PLEKHA2: variants seen among roughly 807,000 people sequenced by gnomAD.
PLEKHA2 encodes pleckstrin homology domain containing A2.
PLEKHA2 carries 28 observed loss-of-function variants against 53.2 expected under a neutral mutation model. The ratio of observed to expected loss-of-function variants is 0.53; its 90% CI spans 0.39 to 0.72. PLEKHA2 has a LOEUF of 0.72. Ranked by LOEUF, PLEKHA2 falls within the 30% of genes least tolerant of loss-of-function variation. The pLI is 0.00. For synonymous variants in PLEKHA2, 193 were observed against 196.4 expected (o/e 0.98, Z 0.14); for missense variants, 426 against 537.9 (o/e 0.79, Z 2.06).
At chr8:38,968,838 A>G in intron 11 of PLEKHA2, 169 bp downstream of exon 11, 2 of 570,386 alleles carry the variant, frequency 3.5e-6, no homozygotes, top group Non-Finnish European at 6.1e-6. Context: ...ACACATTTTT[A>G]TTTTTCTCTG....
chr8:38,969,872 G>A lies in PLEKHA2; in HGVS notation c.*89G>A, dbSNP rs977686354. ...AGTTTCTCTACCTTGTTGGAGGGTA[G>A]TCAGAGGCCTTTATGTCACTCATAT... On this transcript the variant is annotated 3_prime_UTR_variant, in exon 12 of 12. Transcript: ENST00000617275. 79 of 1,510,528 alleles carry A rather than the reference G, an allele frequency of 5.2e-5. 1 individual carries two copies. The South Asian group carries it at 8.3e-4, about 16-fold the overall frequency. 93.6% of individuals were successfully genotyped at this position (1,510,528 alleles called of 1,614,324 possible). A position where few individuals can be genotyped will look rare whatever the true frequency, so the allele number is the denominator to read the frequency against.
intron 1 of PLEKHA2, among the ~76,000 whole-genome samples, chr8:38,905,416 C>T (rs1833855814): frequency 6.6e-6 from 1 of 151,664 alleles, no homozygotes; most frequent in African/African-American, 2.4e-5. Flanking sequence ...TGTGATCGCA[C>T]CACTGCACTC....
intron 2 of PLEKHA2, among the ~76,000 whole-genome samples, chr8:38,923,342 T>C (rs1834226085): frequency 6.6e-6 from 1 of 152,194 alleles, no homozygotes; most frequent in African/African-American, 2.4e-5. Context: ...ATGGGCACTC[T>C]AGGTGATCCT....
chr8:38,940,417 G>A (rs1410200418), intron 3 of PLEKHA2, among the ~76,000 whole-genome samples: 1 of 151,872 alleles, frequency 6.6e-6, no homozygotes. Context: ...AAATAAAGCT[G>A]GAAGTAGAAG....
At chr8:38,911,927 G>A (rs1223657960) in intron 1 of PLEKHA2, among the ~76,000 whole-genome samples, 3 of 152,238 alleles carry the variant, frequency 2.0e-5, no homozygotes, top group Non-Finnish European at 4.4e-5. Flanking sequence ...AGTAAGCTAC[G>A]ATTACACCAC....
In PLEKHA2 at chr8:38,969,597, G is replaced by A. The variant is rs758332858; in HGVS notation, c.1092G>A (p.Gly364=). ...WQPWTPVPQA[G]EKLLPPGDTS... Reference sequence around the variant, plus strand: ...CCTGGACACCTGTCCCCCAGGCTGGGGAGAAGCTGCTTCCACCTGGAGACA... The same window carrying A: ...CCTGGACACCTGTCCCCCAGGCTGGAGAGAAGCTGCTTCCACCTGGAGACA... The change falls in exon 12 of 12, where the codon GGG becomes GGA. Residue 364 remains glycine (G), a synonymous_variant. Transcript: ENST00000617275. 7.5e-6 allele frequency: 12 copies of A among 1,608,902 alleles called. No individual in the cohort carries two copies. The highest frequency in any genetic ancestry group is 1.7e-5 in the Admixed American group (1 of 59,112).
intron 3 of PLEKHA2, among the ~76,000 whole-genome samples, 151 bp downstream of exon 3, chr8:38,936,201 G>A (rs1270758443): frequency 6.6e-6 from 1 of 152,212 alleles, no homozygotes; most frequent in Non-Finnish European, 1.5e-5. Context: ...GCCTGTGGAG[G>A]CTTAGCTGCT....
intron 1 of PLEKHA2, among the ~76,000 whole-genome samples, chr8:38,914,458 T>C (rs866327785): frequency 3.3e-5 from 5 of 152,326 alleles, no homozygotes; most frequent in Middle Eastern, 3.4e-3. Flanking sequence ...GTACCGGGGC[T>C]GTTGGGTCTC....
intron 9 of PLEKHA2, 57 bp from the exon 10 acceptor site, chr8:38,957,266 C>T (rs915320158): frequency 2.2e-5 from 31 of 1,402,966 alleles, no homozygotes; most frequent in African/African-American, 1.1e-4. Context: ...TAGGACATAT[C>T]GAGTCCTCTC....
rs367734009 is a variant in PLEKHA2, at chr8:38,953,382, T to C, written c.773+15T>C. The C allele has an allele frequency of 2.5e-6, 4 of 1,592,424 alleles. No individual in the cohort carries two copies. The highest frequency in any genetic ancestry group is 3.4e-6 in the Non-Finnish European group (4 of 1,160,438). Reference sequence around the variant, plus strand: ...GTCAAGTCTGGGTAATTGTGTCTGCTTTTTCTCTTCTAATCCAAACCTCCA... The same window carrying C: ...GTCAAGTCTGGGTAATTGTGTCTGCCTTTTCTCTTCTAATCCAAACCTCCA... On this transcript the variant is annotated intron_variant, in intron 9 of 11. Transcript: ENST00000617275.
intron 10 of PLEKHA2, among the ~76,000 whole-genome samples, chr8:38,959,150 A>G (rs1390519591): frequency 6.6e-6 from 1 of 152,012 alleles, no homozygotes; most frequent in Non-Finnish European, 1.5e-5. Flanking sequence ...AAAAAAAAAA[A>G]TGGTGTGATA....
At chr8:38,943,702 T>C (rs563397421) in intron 3 of PLEKHA2, 87 bp from the exon 4 acceptor site, 9 of 1,024,616 alleles carry the variant, frequency 8.8e-6, no homozygotes, top group East Asian at 2.7e-5. Context: ...TTTAATGTAC[T>C]CTTTATATAT....
At position 38,946,150 on chromosome 8, in the gene PLEKHA2, T is replaced by G. The variant is rs920399118; in HGVS notation, c.274T>G (p.Phe92Val). Residue 92 changes from phenylalanine (F) to valine (V), a missense_variant, in exon 5 of 12, where the codon TTC becomes GTC. Physicochemically the swap from Phe to Val is conservative, Grantham distance 50. Transcript: ENST00000617275. ...FVINALSQRY[F>V]LQANDQKDMK... is the part of the protein sequence containing the mutation. ...TATCAATGCCCTGTCTCAGAGATAT[T>G]TCCTTCAAGCCAATGATCAGAAAGA... 1.2e-6 allele frequency: 2 copies of G among 1,608,472 alleles called. No individual in the cohort carries two copies. Among genetic ancestry groups the G allele is most frequent in the Non-Finnish European group, 1.7e-6 (2 of 1,177,338 alleles).
Position 38,971,992 on chromosome 8 carries a change from C to T in PLEKHA2, c.*2209C>T, listed in dbSNP as rs1441542931. 3 of 152,044 alleles carry T rather than the reference C, an allele frequency of 2.0e-5. No individual in the cohort carries two copies. The East Asian group carries it at 5.8e-4, about 29-fold the overall frequency. The allele number at this position is 152,044 out of a possible 1,614,324, so 9.4% of individuals were successfully genotyped here. A position where few individuals can be genotyped will look rare whatever the true frequency, so the allele number is the denominator to read the frequency against. ...GGTTACTATTGCTAAATTAATTGGC[C>T]ATTATAATAAGCTGATTTGTTTCTT... On this transcript the variant is annotated 3_prime_UTR_variant, in exon 12 of 12. Transcript: ENST00000617275.
chr8:38,927,013 C>A (rs182235424), intron 2 of PLEKHA2, among the ~76,000 whole-genome samples: 11 of 152,330 alleles, frequency 7.2e-5, no homozygotes, highest in Admixed American at 7.2e-4. Flanking sequence ...AAAGTCCAAG[C>A]AGCTAAACAG....
At chr8:38,964,325 A>G (rs1221038898) in intron 10 of PLEKHA2, among the ~76,000 whole-genome samples, 4 of 152,152 alleles carry the variant, frequency 2.6e-5, no homozygotes, top group Non-Finnish European at 5.9e-5. Flanking sequence ...ACACAGTAGG[A>G]GGTGAGCAGT....
At chr8:38,912,036 C>G (rs972176538) in intron 1 of PLEKHA2, among the ~76,000 whole-genome samples, 5 of 152,100 alleles carry the variant, frequency 3.3e-5, no homozygotes, top group Non-Finnish European at 5.9e-5. Flanking sequence ...CGTAGTGGCT[C>G]ACGCCTATAA....
chr8:38,902,223 G>GGT (rs1554552771), intron 1 of PLEKHA2, among the ~76,000 whole-genome samples: 1 of 137,804 alleles, frequency 7.3e-6, no homozygotes, highest in East Asian at 2.6e-4. Context: ...AAGGGTGTGG[G>GGT]GGGGGGTGGT....
At chr8:38,942,866 T>C (rs1834636829) in intron 3 of PLEKHA2, among the ~76,000 whole-genome samples, 1 of 152,218 alleles carries the variant, frequency 6.6e-6, no homozygotes, top group African/African-American at 2.4e-5. Flanking sequence ...CCTCTGTTTC[T>C]TGCCCTTCCC....
Sources: gnomAD v4.1 joint callset for allele counts (sites outside exome capture counted in the v4.1 genomes callset) on GRCh38, gnomAD v4.1.1 for gene constraint, MANE v1.5 for transcripts, NCBI Gene and HGNC (gene_info 2026-07-23, HGNC 2026-07-21) for gene names.